The following KHDRBS3 variants were observed in gnomAD, a reference collection of about 807,000 sequenced individuals.
KHDRBS3 encodes KH RNA binding domain containing, signal transduction associated 3.
Under a neutral mutation model 45.6 loss-of-function variants are expected in KHDRBS3, and 23 were observed. That is an observed-to-expected ratio of 0.50 (90% CI 0.36 to 0.72). The LOEUF is 0.72. Among genes scored for constraint, KHDRBS3 ranks in the 30% least tolerant of loss-of-function variants. The pLI is 0.00. For synonymous variants in KHDRBS3, 162 were observed against 156.5 expected (o/e 1.04, Z -0.26); for missense variants, 352 against 424.8 (o/e 0.83, Z 1.51).
intron 3 of KHDRBS3, among the ~76,000 whole-genome samples, chr8:135,545,398 G>A (rs574137527): frequency 2.9e-4 from 44 of 152,280 alleles, no homozygotes; most frequent in African/African-American, 8.2e-4. Flanking sequence ...TGGCATTTCA[G>A]TATTTGAGTA....
chr8:135,481,940 G>A (rs1425373936), intron 1 of KHDRBS3, among the ~76,000 whole-genome samples: 1 of 152,166 alleles, frequency 6.6e-6, no homozygotes, highest in Non-Finnish European at 1.5e-5. Flanking sequence ...GGAACAAAAT[G>A]TGCCAAACTA....
intron 7 of KHDRBS3, among the ~76,000 whole-genome samples, chr8:135,640,204 A>G (rs1831004447): frequency 6.6e-6 from 1 of 152,164 alleles, no homozygotes; most frequent in Admixed American, 6.5e-5. Context: ...GACAAAGAGC[A>G]ACGTAGTGAT....
At chr8:135,521,483 A>G (rs1309191149) in intron 2 of KHDRBS3, 128 bp downstream of exon 2, 1 of 507,512 alleles carries the variant, frequency 2.0e-6, no homozygotes, top group Non-Finnish European at 3.5e-6. Context: ...ACACTTTTAA[A>G]GTTAATTAAA....
chr8:135,648,057 C>T (rs1172152796), downstream of KHDRBS3: 1 of 152,166 alleles, frequency 6.6e-6, no homozygotes, highest in Admixed American at 6.5e-5. Context: ...TCTGGCTTGA[C>T]TAATTGAGGT....
At chr8:135,650,456 G>T (rs1831406474), downstream of KHDRBS3, among the ~76,000 whole-genome samples, 1 of 152,168 alleles carries the variant, frequency 6.6e-6, no homozygotes, top group African/African-American at 2.4e-5. Flanking sequence ...AGCCAAGCAT[G>T]TGCTTATCAC....
intron 7 of KHDRBS3, among the ~76,000 whole-genome samples, chr8:135,607,982 A>T (rs1272613856): frequency 6.6e-6 from 1 of 152,102 alleles, no homozygotes; most frequent in African/African-American, 2.4e-5. Context: ...TTTGACTCTC[A>T]ACTGGTCTTT....
intron 7 of KHDRBS3, among the ~76,000 whole-genome samples, chr8:135,621,125 C>T (rs1318338561): frequency 7.7e-6 from 1 of 129,114 alleles, no homozygotes; most frequent in Non-Finnish European, 1.5e-5. Context: ...CCTATGCAGC[C>T]TTAAAAAAAA....
At chr8:135,535,225 A>AT (rs59033976) in intron 2 of KHDRBS3, among the ~76,000 whole-genome samples, 15 of 147,936 alleles carry the variant, frequency 1.0e-4, no homozygotes, top group Admixed American at 1.4e-4. Flanking sequence ...TATTAACTAT[A>AT]ATAAACTATT....
At chr8:135,561,468 T>C (rs1057148605) in intron 5 of KHDRBS3, among the ~76,000 whole-genome samples, 1 of 152,034 alleles carries the variant, frequency 6.6e-6, no homozygotes. Flanking sequence ...CCAGGCAGTG[T>C]GCTTTCATAA....
intron 2 of KHDRBS3, chr8:135,539,128 G>A (rs1422429912): frequency 1.3e-5 from 2 of 152,194 alleles, no homozygotes; most frequent in African/African-American, 2.4e-5. Context: ...TGAAGGGCAG[G>A]ACCATCTGTT....
chr8:135,652,634 C>G (rs538907612), intron 4 of KHDRBS3, among the ~76,000 whole-genome samples: 2 of 152,348 alleles, frequency 1.3e-5, no homozygotes, highest in East Asian at 3.9e-4. Flanking sequence ...TTACCCAGCT[C>G]TTGGTCTAGC....
chr8:135,568,652 G>A lies in KHDRBS3; in HGVS notation c.611+11065G>A, dbSNP rs1358112153. Among the ~76,000 whole-genome samples, 10 of 152,264 alleles carry A rather than the reference G, an allele frequency of 6.6e-5. No homozygotes were observed. The East Asian group carries it at 1.2e-3, about 18-fold the overall frequency. ...TAAAATGACAAGTAAACAAATATAC[G>A]TAGCTGTCAAGTCCAAATATAAAGA... On this transcript the variant is annotated intron_variant, in intron 5 of 8. Transcript: ENST00000355849.
chr8:135,505,817 G>A (rs947800978), intron 1 of KHDRBS3, among the ~76,000 whole-genome samples: 3 of 151,556 alleles, frequency 2.0e-5, no homozygotes, highest in South Asian at 2.1e-4. Flanking sequence ...TATGGTGAGC[G>A]TGCTTCTGGG....
chr8:135,528,659 T>C (rs1489168673), intron 2 of KHDRBS3, among the ~76,000 whole-genome samples: 2 of 152,224 alleles, frequency 1.3e-5, no homozygotes, highest in East Asian at 3.8e-4. Context: ...AGCAAAACAC[T>C]GAGACTGGGT....
chr8:135,640,551 G>A (rs77619861), intron 7 of KHDRBS3, among the ~76,000 whole-genome samples: 1 of 152,300 alleles, frequency 6.6e-6, no homozygotes, highest in East Asian at 1.9e-4. Context: ...GCTGTCTCCT[G>A]ATGTTAGGGG....
At chr8:135,654,434 C>A (rs1831491629) in intron 4 of KHDRBS3, among the ~76,000 whole-genome samples, 2 of 152,194 alleles carry the variant, frequency 1.3e-5, no homozygotes, top group African/African-American at 2.4e-5. Flanking sequence ...TACATGTATT[C>A]ATTATGATCT....
chr8:135,583,476 C>T (rs1828314219), intron 6 of KHDRBS3, among the ~76,000 whole-genome samples: 1 of 152,086 alleles, frequency 6.6e-6, no homozygotes, highest in Non-Finnish European at 1.5e-5. Context: ...ATCTTAAATT[C>T]CTTTTAGGTA....
chr8:135,605,120 A>C, intron 6 of KHDRBS3, among the ~76,000 whole-genome samples: 1 of 151,988 alleles, frequency 6.6e-6, no homozygotes. Context: ...TGAGTCTCTG[A>C]GTTTATCCTT....
intron 2 of KHDRBS3, among the ~76,000 whole-genome samples, chr8:135,537,014 T>TA (rs1470521698): frequency 8.6e-6 from 1 of 115,942 alleles, no homozygotes; most frequent in Non-Finnish European, 1.8e-5. Flanking sequence ...GTTTAGGAGG[T>TA]AAAATCATTA....
Sources: gnomAD v4.1 joint callset for allele counts (sites outside exome capture counted in the v4.1 genomes callset) on GRCh38, gnomAD v4.1.1 for gene constraint, MANE v1.5 for transcripts, NCBI Gene and HGNC (gene_info 2026-07-23, HGNC 2026-07-21) for gene names.